The following TP53BP1 variants were observed in gnomAD, a reference collection of about 807,000 sequenced individuals.
The protein encoded by TP53BP1 is TP53-binding protein 1.
A neutral mutation model predicts 200.8 loss-of-function variants in TP53BP1; 61 were observed. The ratio of observed to expected loss-of-function variants is 0.30; its 90% CI spans 0.25 to 0.38. The LOEUF is 0.38. Ranked by LOEUF, TP53BP1 falls within the 10% of genes least tolerant of loss-of-function variation. The pLI, the probability that TP53BP1 is intolerant of heterozygous loss-of-function variation, is 1.00. For synonymous variants in TP53BP1, 822 were observed against 844.3 expected (o/e 0.97, Z 0.46); for missense variants, 2,144 against 2,371.9 (o/e 0.90, Z 2.00).
At chr15:43,466,944 T>C (rs571420338) in intron 11 of TP53BP1, among the ~76,000 whole-genome samples, 1 of 152,176 alleles carries the variant, frequency 6.6e-6, no homozygotes, top group Non-Finnish European at 1.5e-5. Flanking sequence ...GTGGTTATCT[T>C]TGGGTAGGAA....
In TP53BP1 at chr15:43,403,760, G is replaced by A. The variant is rs747539917; in HGVS notation, c.*3623C>T. 2 of 1,613,954 alleles carry A rather than the reference G, an allele frequency of 1.2e-6. No individual in the cohort carries two copies. The highest frequency in any genetic ancestry group is 1.7e-6 in the Non-Finnish European group (2 of 1,179,996). On this transcript the variant is annotated 3_prime_UTR_variant, in exon 28 of 28. Coordinates refer to ENST00000382044, the MANE Select transcript of TP53BP1 (RefSeq NM_001141980.3). ...TGGTCAGTCAGAACCTAGGCCCACT[G>A]GATGAGCGTGGAGCCGCCCAGCTGA...
intron 1 of TP53BP1, among the ~76,000 whole-genome samples, chr15:43,503,736 T>C (rs1210157904): frequency 6.6e-6 from 1 of 152,170 alleles, no homozygotes; most frequent in Admixed American, 6.5e-5. Context: ...TACATCTTAG[T>C]CTGAAGTCTC....
chr15:43,491,389 CTTT>C (rs1244001832), intron 4 of TP53BP1, among the ~76,000 whole-genome samples: 1 of 152,056 alleles, frequency 6.6e-6, no homozygotes, highest in Non-Finnish European at 1.5e-5. Flanking sequence ...CCCCTAAATA[CTTT>C]TTAATAATTT....
At chr15:43,445,826 G>A (rs2046030024) in intron 14 of TP53BP1, among the ~76,000 whole-genome samples, 1 of 152,076 alleles carries the variant, frequency 6.6e-6, no homozygotes, top group Non-Finnish European at 1.5e-5. Context: ...GAATTTACCA[G>A]GCAGGAGAAC....
chr15:43,497,122 G>T (rs1351088078), upstream of TP53BP1, among the ~76,000 whole-genome samples: 1 of 152,198 alleles, frequency 6.6e-6, no homozygotes, highest in Non-Finnish European at 1.5e-5. Context: ...TATCAGCCAG[G>T]TGCGGTAGCT....
At chr15:43,480,371 C>A (rs2078946321) in intron 5 of TP53BP1, among the ~76,000 whole-genome samples, 1 of 152,048 alleles carries the variant, frequency 6.6e-6, no homozygotes, top group Non-Finnish European at 1.5e-5. Context: ...TGGCTTGAAC[C>A]CAGGAGGCGG....
At chr15:43,428,540 T>C (rs949232237) in intron 17 of TP53BP1, among the ~76,000 whole-genome samples, 1 of 152,230 alleles carries the variant, frequency 6.6e-6, no homozygotes, top group Non-Finnish European at 1.5e-5. Flanking sequence ...GAGTTTACAT[T>C]TGCAATAGCT....
intron 10 of TP53BP1, among the ~76,000 whole-genome samples, chr15:43,474,136 T>C (rs1389330438): frequency 6.6e-6 from 1 of 152,014 alleles, no homozygotes; most frequent in Non-Finnish European, 1.5e-5. Context: ...AGCCCCTCAT[T>C]GCCCGGGGGG....
At chr15:43,448,067 C>A (rs181000260) in intron 12 of TP53BP1, among the ~76,000 whole-genome samples, 1 of 152,150 alleles carries the variant, frequency 6.6e-6, no homozygotes, top group Non-Finnish European at 1.5e-5. Context: ...TTCAGCAGTA[C>A]GGACCAGCAT....
Position 43,420,536 on chromosome 15 carries a change from C to T in TP53BP1, c.4450G>A (p.Ala1484Thr). Residue 1484 changes from alanine to threonine, a missense_variant, in exon 21 of 28, where the codon GCC becomes ACC. By Grantham distance (58) the Ala-to-Thr change is moderately conservative. This residue lies in a region of TP53BP1 where 49 missense variants were observed against 60.7 expected (regional missense o/e 0.81). Coordinates refer to ENST00000382044, the MANE Select transcript of TP53BP1 (RefSeq NM_001141980.3). Reference sequence around the variant, plus strand: ...ACAAAGCTATTTCCTGGAGAGGAGGCATCTAAGCCATCAGAAGGGCCAGCA... The same window carrying T: ...ACAAAGCTATTTCCTGGAGAGGAGGTATCTAAGCCATCAGAAGGGCCAGCA... ...AAAGPSDGLD[A>T]SSPGNSFVGL... 6.2e-7 allele frequency: 1 copy of T among 1,614,170 alleles called. No homozygotes were observed. The highest frequency in any genetic ancestry group is 2.2e-5 in the East Asian group (1 of 44,878).
intron 21 of TP53BP1, among the ~76,000 whole-genome samples, chr15:43,419,888 G>C (rs187968996): frequency 6.6e-6 from 1 of 152,248 alleles, no homozygotes; most frequent in Admixed American, 6.5e-5. Flanking sequence ...TTGGATGCTG[G>C]AAGAGAAAAA....
At chr15:43,407,725 G>T in intron 27 of TP53BP1, 155 bp from the exon 28 acceptor site, 1 of 818,928 alleles carries the variant, frequency 1.2e-6, no homozygotes, top group Non-Finnish European at 1.9e-6. Flanking sequence ...CAAAGGCAGA[G>T]TTATAATCAC....
chr15:43,432,317 C>A lies in TP53BP1; in HGVS notation c.3552G>T (p.Glu1184Asp). The change falls in exon 17 of 28, where the codon GAG becomes GAT. Residue 1184 changes from glutamate to aspartate, a missense_variant. By Grantham distance (45) the Glu-to-Asp change is conservative. Coordinates refer to ENST00000382044, the MANE Select transcript of TP53BP1 (RefSeq NM_001141980.3). ...TCTGGTCCACTGTACTGGTCCCCTGCTCACACACATTCTTTATAGTCTGGG... is the reference window on the plus strand; with the variant it reads ...TCTGGTCCACTGTACTGGTCCCCTGATCACACACATTCTTTATAGTCTGGG... ...AATQTIKNVC[E>D]QGTSTVDQNF... The A allele has an allele frequency of 6.2e-7, 1 of 1,614,200 alleles. No homozygotes were observed.
At chr15:43,467,893 C>A (rs2046627845) in intron 11 of TP53BP1, among the ~76,000 whole-genome samples, 1 of 151,998 alleles carries the variant, frequency 6.6e-6, no homozygotes, top group African/African-American at 2.4e-5. Flanking sequence ...AAGCGATTCT[C>A]CTGCCTCAGC....
chr15:43,441,758 A>C (rs1331031912), intron 14 of TP53BP1, among the ~76,000 whole-genome samples, 175 bp from the exon 15 acceptor site: 4 of 152,160 alleles, frequency 2.6e-5, no homozygotes, highest in East Asian at 3.9e-4. Flanking sequence ...TTATTTATTT[A>C]TTTCTTTATT....
chr15:43,470,057 A>G lies in TP53BP1; in HGVS notation c.1190T>C (p.Met397Thr), dbSNP rs2046688480. ...TTCTTCAGATAACACTGACGTGTCC[A>G]TTGGCTTATCTGGTTTAAAACAGGA... is the stretch of plus-strand genomic sequence containing the variant. ...TEQEGRQDKP[M>T]DTSVLSEEGG... is the part of the protein sequence containing the mutation. Residue 397 changes from methionine (M) to threonine (T), a missense_variant, in exon 11 of 28, where the codon ATG becomes ACG. By Grantham distance (81) the Met-to-Thr change is moderately conservative (BLOSUM62 -1). This residue lies in a region of TP53BP1 where 1,700 missense variants were observed against 1,710.3 expected (regional missense o/e 0.99). Transcript: ENST00000382044. 1 of 1,612,574 alleles carries G rather than the reference A, an allele frequency of 6.2e-7. No homozygotes were observed. The highest frequency in any genetic ancestry group is 1.7e-5 in the Admixed American group (1 of 60,010).
chr15:43,415,468 G>T, intron 23 of TP53BP1, 126 bp downstream of exon 23: 1 of 987,148 alleles, frequency 1.0e-6, no homozygotes, highest in Non-Finnish European at 1.6e-6. Context: ...TGTGGGCTTG[G>T]GCAGGACCCC....
chr15:43,471,836 C>A (rs1232507211), intron 10 of TP53BP1, among the ~76,000 whole-genome samples: 1 of 152,112 alleles, frequency 6.6e-6, no homozygotes, highest in Non-Finnish European at 1.5e-5. Flanking sequence ...ACTTGTATTA[C>A]CTGGGTTTTT....
At chr15:43,411,456 C>T (rs991101570) in intron 24 of TP53BP1, among the ~76,000 whole-genome samples, 1 of 152,208 alleles carries the variant, frequency 6.6e-6, no homozygotes, top group Non-Finnish European at 1.5e-5. Context: ...TTTTACTGAG[C>T]TCCTGTTGTA....
Sources: allele counts gnomAD v4.1 joint callset (sites outside exome capture counted in the v4.1 genomes callset), GRCh38; gene constraint gnomAD v4.1.1; regional missense constraint gnomAD v4.1.1; transcripts MANE v1.5; gene names NCBI Gene and HGNC (gene_info 2026-07-23, HGNC 2026-07-21).